The following HIPK2 variants were observed in gnomAD, a reference collection of about 807,000 sequenced individuals.
HIPK2 encodes homeodomain interacting protein kinase 2, also known as homeodomain-interacting protein kinase 2.
HIPK2 carries 27 observed loss-of-function variants against 113.7 expected under a neutral mutation model. The observed-to-expected ratio is 0.24, with a 90% CI of 0.17 to 0.33. The LOEUF (loss-of-function observed/expected upper bound fraction) is 0.33, where lower values mean the gene tolerates loss of function less well. Ranked by LOEUF, HIPK2 falls within the 10% of genes least tolerant of loss-of-function variation. The probability of loss-of-function intolerance (pLI) is 1.00; values close to 1 mark genes in which losing one functional copy is unlikely to be tolerated. For missense variants in HIPK2, 1,257 were observed against 1,588.0 expected, an observed-to-expected ratio of 0.79 and a Z score of 3.54; for synonymous variants, 631 against 642.2, an observed-to-expected ratio of 0.98 and a Z score of 0.26.
chr7:139,600,982 C>G (rs957644931), intron 10 of HIPK2, among the ~76,000 whole-genome samples: 3 of 152,144 alleles, frequency 2.0e-5, no homozygotes, highest in African/African-American at 7.2e-5. Context: ...GTGGCTCACA[C>G]CTGTAATCCC....
At chr7:139,595,322 G>A (rs945221832) in intron 12 of HIPK2, among the ~76,000 whole-genome samples, 3 of 152,192 alleles carry the variant, frequency 2.0e-5, no homozygotes, top group Admixed American at 1.3e-4. Flanking sequence ...CTGAGCCCAC[G>A]TGAGGACTGA....
At chr7:139,659,691 C>A (rs1360050705) in intron 2 of HIPK2, among the ~76,000 whole-genome samples, 1 of 152,234 alleles carries the variant, frequency 6.6e-6, no homozygotes, top group Non-Finnish European at 1.5e-5. Context: ...GGAAGACAGA[C>A]CCTTCCTTTA....
chr7:139,604,116 C>G lies in HIPK2; in HGVS notation c.2220G>C (p.Glu740Asp), dbSNP rs1170059460. 1.2e-6 allele frequency: 2 copies of G among 1,613,870 alleles called. No homozygotes were observed. The highest frequency in any genetic ancestry group is 2.2e-5 in the South Asian group (2 of 91,082). Reference protein sequence around the residue: ...TSVQHATVIPETMAGTQQLAD... With the variant: ...TSVQHATVIPDTMAGTQQLAD... ...CCAGCTGCTGGGTGCCTGCCATGGT[C>G]TCGGGAATCACGGTGGCATGCTGCA... is the stretch of plus-strand genomic sequence containing the variant. Residue 740 changes from glutamate to aspartate, a missense_variant, in exon 10 of 15, where the codon GAG (glutamate) becomes GAC (aspartate). Glu to Asp is a conservative substitution (Grantham distance 45). Transcript: ENST00000406875.
In HIPK2 at chr7:139,683,223, C is replaced by T. The variant is rs537984841; in HGVS notation, c.1103+32709G>A. Among the ~76,000 whole-genome samples, 5 of 152,256 alleles carry T rather than the reference C, an allele frequency of 3.3e-5. No individual in the cohort carries two copies. The highest frequency in any genetic ancestry group is 2.1e-4 in the South Asian group (1 of 4,828). The stretch of plus-strand genomic sequence containing the variant: ...AACTATATAACACGCGTGCCACACA[C>T]GAGGATAAAAATGCGAACAGAGACT... On this transcript the variant is annotated intron_variant, in intron 2 of 14. Transcript: ENST00000406875. This position sits in a 1 kb window ranked among gnomAD's most constrained non-coding sequence, Gnocchi z 4.2.
intron 2 of HIPK2, among the ~76,000 whole-genome samples, chr7:139,634,109 C>CA (rs57278111): frequency 0.022 from 2,985 of 136,936 alleles, 82 homozygotes; most frequent in African/African-American, 0.067. Flanking sequence ...GACCCTGTCT[C>CA]AAAAAAAAAA....
chr7:139,771,862 G>GT (rs1245543671), intron 1 of HIPK2, among the ~76,000 whole-genome samples: 5 of 152,140 alleles, frequency 3.3e-5, no homozygotes, highest in African/African-American at 7.2e-5. Flanking sequence ...TATATGAAAG[G>GT]TTTTAGAGAA....
intron 7 of HIPK2, 54 bp from the exon 8 acceptor site, chr7:139,614,547 GGT>G: frequency 3.0e-4 from 335 of 1,114,070 alleles, no homozygotes; most frequent in Non-Finnish European, 3.6e-4. Context: ...AAATGAGGGA[GGT>G]GGCATGTTGG....
intron 2 of HIPK2, among the ~76,000 whole-genome samples, chr7:139,665,132 C>T (rs556023477): frequency 6.6e-5 from 10 of 151,910 alleles, no homozygotes; most frequent in South Asian, 4.1e-4. Flanking sequence ...AGACCTCCTG[C>T]GCTTAGGTGG....
chr7:139,606,922 C>T (rs905714758), intron 9 of HIPK2, among the ~76,000 whole-genome samples: 1 of 151,912 alleles, frequency 6.6e-6, no homozygotes, highest in Admixed American at 6.6e-5. Flanking sequence ...AATAAGCAAA[C>T]AAAAGAAAGA....
chr7:139,716,969 T>C lies in HIPK2; in HGVS notation c.66A>G (p.Ser22=), dbSNP rs778604881. 1.5e-5 allele frequency: 24 copies of C among 1,613,760 alleles called. No individual in the cohort carries two copies. Among genetic ancestry groups the C allele is most frequent in the Non-Finnish European group, 2.0e-5 (24 of 1,179,802 alleles). The part of the protein sequence containing the change: ...VQVFSPHTLQ[S]SAFCSVKKLK... Reference sequence around the variant, plus strand: ...GTTTCTTCACACTACAGAAGGCACTTGATTGAAGGGTGTGAGGGGAGAAAA... The same window carrying C: ...GTTTCTTCACACTACAGAAGGCACTCGATTGAAGGGTGTGAGGGGAGAAAA... The change falls in exon 2 of 15, where the codon TCA becomes TCG. Residue 22 remains serine, a synonymous_variant. Transcript: ENST00000406875. The surrounding 1 kb of genome is among the most constrained non-coding windows in gnomAD (Gnocchi z 9.3).
intron 1 of HIPK2, among the ~76,000 whole-genome samples, chr7:139,717,365 C>T (rs1279015161): frequency 6.6e-6 from 1 of 152,218 alleles, no homozygotes; most frequent in East Asian, 1.9e-4. Flanking sequence ...TTGCTTTCTA[C>T]TGAAACTCAG....
At position 139,716,621 on chromosome 7, in the gene HIPK2, G is replaced by C. The variant is rs745936379; in HGVS notation, c.414C>G (p.Ile138Met). ...KCGLKRKSEE[I>M]ENTSSVQIIE... is the part of the protein sequence containing the mutation. ...TGATCTGCACGCTGCTTGTGTTCTC[G>C]ATCTCCTCGCTCTTACGCTTGAGTC... is the stretch of plus-strand genomic sequence containing the variant. Residue 138 changes from isoleucine to methionine, a missense_variant, in exon 2 of 15, where the codon ATC becomes ATG. Ile to Met is a conservative substitution (Grantham distance 10). This residue lies in a region of HIPK2 where 209 missense variants were observed against 237.8 expected (regional missense o/e 0.88). Transcript: ENST00000406875. This position sits in a 1 kb window ranked among gnomAD's most constrained non-coding sequence, Gnocchi z 9.3. The C allele has an allele frequency of 6.2e-7, 1 of 1,613,944 alleles. No individual in the cohort carries two copies. Among genetic ancestry groups the C allele is most frequent in the African/African-American group, 1.3e-5 (1 of 75,014 alleles).
intron 2 of HIPK2, among the ~76,000 whole-genome samples, chr7:139,641,806 C>T (rs10954650): frequency 0.39 from 58,757 of 152,046 alleles, 11,933 homozygotes; most frequent in African/African-American, 0.48. Flanking sequence ...AGTTCACTGA[C>T]AAAACAAGGG....
intron 2 of HIPK2, among the ~76,000 whole-genome samples, chr7:139,673,116 T>TA (rs1554442018): frequency 2.0e-5 from 3 of 151,070 alleles, no homozygotes; most frequent in African/African-American, 7.3e-5. Context: ...TTTTTTTTTT[T>TA]AATGAAAAAG....
At chr7:139,704,841 G>A (rs886294708) in intron 2 of HIPK2, among the ~76,000 whole-genome samples, 9 of 152,114 alleles carry the variant, frequency 5.9e-5, no homozygotes, top group African/African-American at 2.2e-4. Flanking sequence ...TCGGACTACA[G>A]GACTCTAGCG....
chr7:139,623,874 C>T (rs185237622), intron 6 of HIPK2, among the ~76,000 whole-genome samples: 7 of 152,306 alleles, frequency 4.6e-5, no homozygotes, highest in Admixed American at 4.6e-4. Context: ...CCTTCCCCTC[C>T]TGATCCTTAT....
chr7:139,647,351 T>C (rs1466014909), intron 2 of HIPK2, among the ~76,000 whole-genome samples: 2 of 152,170 alleles, frequency 1.3e-5, no homozygotes, highest in Non-Finnish European at 2.9e-5. Flanking sequence ...CGCCAAGCAC[T>C]GTGCTAAGAA....
In HIPK2 at chr7:139,570,045, T is replaced by TTTTC. The variant is rs1381021261; in HGVS notation, c.*2878_*2881dup. ...CCTCCAACTTAAGCAGACAGAATAA[T>TTTTC]TTTCTTTAAAATGAAAAGAACATTT... On this transcript the variant is annotated 3_prime_UTR_variant, in exon 15 of 15. Coordinates refer to ENST00000406875, the MANE Select transcript of HIPK2 (RefSeq NM_022740.5). 6.6e-6 allele frequency: 1 copy of TTTTC among 152,128 alleles called. No individual in the cohort carries two copies. The highest frequency in any genetic ancestry group is 2.4e-5 in the African/African-American group (1 of 41,428). 9.4% of individuals were successfully genotyped at this position (152,128 alleles called of 1,614,324 possible). A position where few individuals can be genotyped will look rare whatever the true frequency, so the allele number is the denominator to read the frequency against.
intron 2 of HIPK2, among the ~76,000 whole-genome samples, chr7:139,671,544 C>T (rs1367368937): frequency 6.6e-6 from 1 of 151,926 alleles, no homozygotes; most frequent in African/African-American, 2.4e-5. Flanking sequence ...GTAGTACTTT[C>T]AGTTGAGAAT....
Sources: gnomAD v4.1 joint callset for allele counts (sites outside exome capture counted in the v4.1 genomes callset) on GRCh38, gnomAD v4.1.1 for gene constraint, gnomAD v4.1.1 regional missense constraint, Gnocchi (gnomAD v3.1) non-coding constraint, MANE v1.5 for transcripts, NCBI Gene and HGNC (gene_info 2026-07-23, HGNC 2026-07-21) for gene names.